CLNK: variants seen among roughly 807,000 people sequenced by gnomAD.
CLNK encodes cytokine dependent hematopoietic cell linker.
Under a neutral mutation model 68.6 loss-of-function variants are expected in CLNK, and 74 were observed. The observed-to-expected ratio is 1.08, with a 90% CI of 0.89 to 1.31. The LOEUF (loss-of-function observed/expected upper bound fraction) is 1.31, where lower values mean the gene tolerates loss of function less well. CLNK is among the 50% of genes most tolerant of loss of function. CLNK has a pLI of 0.00. For synonymous variants in CLNK, 198 were observed against 172.2 expected (o/e 1.15, Z -1.17); for missense variants, 553 against 515.3 (o/e 1.07, Z -0.71).
At chr4:10,535,154 G>T (rs1341898829) in intron 11 of CLNK, among the ~76,000 whole-genome samples, 1 of 150,428 alleles carries the variant, frequency 6.6e-6, no homozygotes. Flanking sequence ...TTTGAGACCA[G>T]CCTGGACAGG....
At chr4:10,574,240 C>T (rs1720465104) in intron 4 of CLNK, among the ~76,000 whole-genome samples, 1 of 152,196 alleles carries the variant, frequency 6.6e-6, no homozygotes, top group Admixed American at 6.5e-5. Flanking sequence ...CAACCTGCCC[C>T]ACCCTGCTCT....
intron 7 of CLNK, among the ~76,000 whole-genome samples, chr4:10,560,007 A>C (rs1408896523): frequency 6.6e-6 from 1 of 152,114 alleles, no homozygotes; most frequent in Non-Finnish European, 1.5e-5. Context: ...AGACTTTGTC[A>C]AAAGTCCCCT....
At chr4:10,546,188 TTTTCTC>T (rs1719225084) in intron 8 of CLNK, among the ~76,000 whole-genome samples, 1 of 152,174 alleles carries the variant, frequency 6.6e-6, no homozygotes, top group African/African-American at 2.4e-5. Flanking sequence ...TCTGAAGACT[TTTTCTC>T]TATGTGGCCA....
chr4:10,609,826 T>C (rs1577165197), intron 2 of CLNK, among the ~76,000 whole-genome samples: 1 of 152,058 alleles, frequency 6.6e-6, no homozygotes, highest in Admixed American at 6.5e-5. Context: ...TATCATCTGC[T>C]TGAACCTGCT....
intron 14 of CLNK, among the ~76,000 whole-genome samples, chr4:10,525,058 C>T (rs1432137201): frequency 6.6e-6 from 1 of 152,126 alleles, no homozygotes. Context: ...CAATAAATAT[C>T]CTGACTGAGC....
intron 18 of CLNK, among the ~76,000 whole-genome samples, chr4:10,492,635 C>T (rs1419062281): frequency 6.6e-6 from 1 of 152,162 alleles, no homozygotes; most frequent in Non-Finnish European, 1.5e-5. Context: ...TAGAGGCGCA[C>T]TGAATAGAAA....
chr4:10,669,616 A>G (rs1724547446), intron 1 of CLNK, among the ~76,000 whole-genome samples: 2 of 152,234 alleles, frequency 1.3e-5, no homozygotes, highest in African/African-American at 4.8e-5. Context: ...GAGATGATCA[A>G]GGATCATGCA....
chr4:10,495,727 T>C (rs1404902473), intron 18 of CLNK, among the ~76,000 whole-genome samples: 1 of 152,246 alleles, frequency 6.6e-6, no homozygotes, highest in Non-Finnish European at 1.5e-5. Context: ...AATCATGTGT[T>C]TCTTCATAAG....
Position 10,642,780 on chromosome 4 carries a change from G to A in CLNK, c.11+25079C>T, listed in dbSNP as rs140847042. On this transcript the variant is annotated intron_variant, in intron 2 of 18. Transcript: ENST00000226951. Reference sequence around the variant, plus strand: ...CATCTAACTTCTTTAATCCTCCATTGTCTCAACTCTAAAATGGTAATAATT... The same window carrying A: ...CATCTAACTTCTTTAATCCTCCATTATCTCAACTCTAAAATGGTAATAATT... Among the ~76,000 whole-genome samples, 671 of 152,304 alleles carry A rather than the reference G, an allele frequency of 4.4e-3. 5 individuals carry two copies. Among genetic ancestry groups the A allele is most frequent in the African/African-American group, 0.015 (642 of 41,562 alleles).
At chr4:10,601,359 T>C (rs928679406) in intron 2 of CLNK, among the ~76,000 whole-genome samples, 2 of 152,122 alleles carry the variant, frequency 1.3e-5, no homozygotes, top group Non-Finnish European at 2.9e-5. Context: ...CAGTGGATTA[T>C]TGAAGCAAAA....
chr4:10,647,371 C>T (rs191644236), intron 2 of CLNK, among the ~76,000 whole-genome samples: 202 of 152,242 alleles, frequency 1.3e-3, no homozygotes, highest in African/African-American at 4.4e-3. Context: ...GGCATCTGAG[C>T]TGGTGGATTT....
At chr4:10,497,782 G>A (rs1716872523) in intron 18 of CLNK, among the ~76,000 whole-genome samples, 1 of 152,216 alleles carries the variant, frequency 6.6e-6, no homozygotes, top group South Asian at 2.1e-4. Context: ...AGAACTCCAT[G>A]TGAGAGCAAA....
Position 10,502,470 on chromosome 4 carries a change from G to A in CLNK, c.985-1059C>T, listed in dbSNP as rs372791979. On this transcript the variant is annotated intron_variant, in intron 17 of 18. Transcript: ENST00000226951. Reference sequence around the variant, plus strand: ...ACAATTCAAGATGAGATCTGTGTAGGGTCACAGACAAACCATGCCACATGT... The same window carrying A: ...ACAATTCAAGATGAGATCTGTGTAGAGTCACAGACAAACCATGCCACATGT... Among the ~76,000 whole-genome samples, 24 of 151,986 alleles carry A rather than the reference G, an allele frequency of 1.6e-4. No individual in the cohort carries two copies. In the East Asian group the frequency reaches 2.3e-3, roughly 15 times the overall value.
intron 2 of CLNK, among the ~76,000 whole-genome samples, chr4:10,658,253 C>T (rs1160319723): frequency 6.6e-6 from 1 of 152,200 alleles, no homozygotes; most frequent in African/African-American, 2.4e-5. Context: ...TTCTCACTTA[C>T]AATGAATGTT....
chr4:10,591,243 G>A (rs981675641), intron 3 of CLNK, among the ~76,000 whole-genome samples: 1 of 152,090 alleles, frequency 6.6e-6, no homozygotes, highest in Non-Finnish European at 1.5e-5. Context: ...AGAGAGGAGT[G>A]GACTCTGTAA....
intron 1 of CLNK, among the ~76,000 whole-genome samples, chr4:10,683,306 G>C (rs1333013806): frequency 6.6e-6 from 1 of 152,200 alleles, no homozygotes; most frequent in Non-Finnish European, 1.5e-5. Context: ...GAGCTGGCCA[G>C]ATGGTACAGA....
chr4:10,507,793 A>G (rs560545662), intron 17 of CLNK, among the ~76,000 whole-genome samples, 166 bp downstream of exon 17: 2 of 152,262 alleles, frequency 1.3e-5, no homozygotes, highest in East Asian at 1.9e-4. Flanking sequence ...GAAACTCTCC[A>G]TGTTAAATGC....
At chr4:10,714,571 G>C in the CLNK span, among the ~76,000 whole-genome samples, 1 of 152,094 alleles carries the variant, frequency 6.6e-6, no homozygotes, top group Non-Finnish European at 1.5e-5. Flanking sequence ...GAAAGTTATT[G>C]TTTTGATTTA....
At chr4:10,548,413 A>G (rs1479806177) in intron 8 of CLNK, among the ~76,000 whole-genome samples, 1 of 152,152 alleles carries the variant, frequency 6.6e-6, no homozygotes, top group Non-Finnish European at 1.5e-5. Context: ...AACCCTTATC[A>G]GGTATATAGT....
Sources: gnomAD v4.1 joint callset for allele counts (sites outside exome capture counted in the v4.1 genomes callset) on GRCh38, gnomAD v4.1.1 for gene constraint, MANE v1.5 for transcripts, NCBI Gene and HGNC (gene_info 2026-07-23, HGNC 2026-07-21) for gene names.